The following FBLN2 variants were observed in gnomAD, a reference collection of about 807,000 sequenced individuals.
FBLN2 encodes the protein fibulin-2.
In FBLN2, 81 loss-of-function variants were observed where a neutral mutation model predicts 123.7. That is an observed-to-expected ratio of 0.65 (90% CI 0.55 to 0.79). The LOEUF (loss-of-function observed/expected upper bound fraction) is 0.79. FBLN2 is among the 30% of genes least tolerant of loss of function. The pLI is 0.00. For missense variants in FBLN2, 1,603 were observed against 1,681.3 expected (o/e 0.95, Z 0.81); for synonymous variants, 699 against 701.4 (o/e 1.00, Z 0.05).
At chr3:13,636,920 T>C (rs1254104227) in intron 17 of FBLN2, among the ~76,000 whole-genome samples, 2 of 152,178 alleles carry the variant, frequency 1.3e-5, no homozygotes, top group African/African-American at 4.8e-5. Flanking sequence ...CTGGGAGTGG[T>C]GTAGCTAGGT....
At chr3:13,608,418 A>T (rs1324751447) in intron 3 of FBLN2, among the ~76,000 whole-genome samples, 1 of 152,224 alleles carries the variant, frequency 6.6e-6, no homozygotes, top group African/African-American at 2.4e-5. Flanking sequence ...AGTGAGCAAG[A>T]TCCGAGGAAT....
At chr3:13,630,977 C>A (rs1165610192) in intron 15 of FBLN2, among the ~76,000 whole-genome samples, 162 bp downstream of exon 15, 2 of 152,214 alleles carry the variant, frequency 1.3e-5, no homozygotes, top group Admixed American at 1.3e-4. Flanking sequence ...TGACCTTGGG[C>A]AGATTGCCTC....
rs1337917658 is a variant in FBLN2, at chr3:13,636,535, A to C, written c.3305A>C (p.Glu1102Ala). 2 of 1,613,514 alleles carry C rather than the reference A, an allele frequency of 1.2e-6. No individual in the cohort carries two copies. The highest frequency in any genetic ancestry group is 1.7e-6 in the Non-Finnish European group (2 of 1,179,762). The change falls in exon 17 of 18, where the codon GAG (glutamate) becomes GCG (alanine). Residue 1102 changes from glutamate (E) to alanine (A), a missense_variant. Transcript: ENST00000404922. The stretch of plus-strand genomic sequence containing the variant: ...GGTAGCTTCCGCTGCCTGCGCTTCG[A>C]GTGTCCTCCCAACTATGTCCAAGTC... The part of the protein sequence containing the change: ...IQGSFRCLRF[E>A]CPPNYVQVSK...
intron 2 of FBLN2, among the ~76,000 whole-genome samples, chr3:13,579,859 G>A (rs1704266752): frequency 1.3e-5 from 2 of 152,184 alleles, no homozygotes; most frequent in South Asian, 4.1e-4. Context: ...CCTGTCAGAA[G>A]CACACAACTC....
intron 1 of FBLN2, among the ~76,000 whole-genome samples, chr3:13,555,577 C>G (rs888540931): frequency 1.6e-4 from 24 of 152,258 alleles, no homozygotes; most frequent in Admixed American, 3.3e-4. Context: ...GCCTCAGCCT[C>G]CCGAGTAGCT....
chr3:13,597,731 G>A (rs1424363938), intron 2 of FBLN2, among the ~76,000 whole-genome samples: 1 of 152,244 alleles, frequency 6.6e-6, no homozygotes, highest in Non-Finnish European at 1.5e-5. Context: ...ACAGTGAGTG[G>A]TTTTCCAGAG....
At position 13,609,624 on chromosome 3, in the gene FBLN2, C is replaced by T. The variant is rs375709876; in HGVS notation, c.1530C>T (p.Cys510=). 6.0e-5 allele frequency: 88 copies of T among 1,470,036 alleles called. No homozygotes were observed. Among genetic ancestry groups the T allele is most frequent in the Admixed American group, 1.3e-4 (6 of 47,844 alleles). 91.1% of individuals were successfully genotyped at this position (1,470,036 alleles called of 1,614,324 possible). The change falls in exon 4 of 18, where the codon TGC becomes TGT. Residue 510 remains cysteine (C), a synonymous_variant. Coordinates refer to ENST00000404922, the MANE Select transcript of FBLN2 (RefSeq NM_001004019.2). ...ETCGAEDNDS[C]GISLYKQCCD... ...GTGGGGCTGAGGACAACGACAGCTG[C>T]GGCATCTCCCTGTACAAGGCAAGCC...
At chr3:13,631,806 C>G (rs1056255338) in intron 16 of FBLN2, among the ~76,000 whole-genome samples, 26 of 152,140 alleles carry the variant, frequency 1.7e-4, no homozygotes, top group African/African-American at 6.0e-4. Context: ...AGGCAGTGTC[C>G]CGAGTCTCTG....
At position 13,618,200 on chromosome 3, in the gene FBLN2, C is replaced by T. The variant is rs777318897; in HGVS notation, c.1854C>T (p.His618=). The T allele has an allele frequency of 2.5e-6, 4 of 1,613,790 alleles. No homozygotes were observed. The highest frequency in any genetic ancestry group is 3.3e-4 in the Middle Eastern group (2 of 6,084). Residue 618 remains histidine, a synonymous_variant, in exon 6 of 18, where the codon CAC becomes CAT. Transcript: ENST00000404922. ...CLLLPGELCQ[H]LCINTVGSYH... ...TCCTCCCGGGAGAGCTGTGCCAGCACCTTTGCATCAATACTGTGGGTTCTT... is the reference window on the plus strand; with the variant it reads ...TCCTCCCGGGAGAGCTGTGCCAGCATCTTTGCATCAATACTGTGGGTTCTT...
intron 7 of FBLN2, among the ~76,000 whole-genome samples, 185 bp downstream of exon 7, chr3:13,619,202 G>A (rs1705754030): frequency 6.6e-6 from 1 of 152,204 alleles, no homozygotes; most frequent in African/African-American, 2.4e-5. Context: ...AAGTCACTGG[G>A]GAGATGTGGT....
At chr3:13,612,978 G>T (rs1483645457) in intron 4 of FBLN2, among the ~76,000 whole-genome samples, 2 of 152,182 alleles carry the variant, frequency 1.3e-5, no homozygotes, top group African/African-American at 2.4e-5. Flanking sequence ...GGGGGCGGGG[G>T]TGAGTGCTTG....
intron 1 of FBLN2, among the ~76,000 whole-genome samples, chr3:13,560,606 CTAT>C (rs1703576484): frequency 6.6e-6 from 1 of 152,192 alleles, no homozygotes; most frequent in South Asian, 2.1e-4. Flanking sequence ...GCACATCGTG[CTAT>C]TATTAAGACA....
chr3:13,598,876 C>G (rs898851515), intron 2 of FBLN2, among the ~76,000 whole-genome samples: 4 of 152,194 alleles, frequency 2.6e-5, no homozygotes, highest in Admixed American at 1.3e-4. Flanking sequence ...CTAGACAGAG[C>G]CTGCTGGACG....
At chr3:13,620,826 C>T (rs538268356) in intron 8 of FBLN2, among the ~76,000 whole-genome samples, 1 of 152,348 alleles carries the variant, frequency 6.6e-6, no homozygotes, top group Admixed American at 6.5e-5. Context: ...TGTCCATCCC[C>T]AGCCGAGACT....
chr3:13,574,026 C>T (rs1704052664), intron 2 of FBLN2, among the ~76,000 whole-genome samples: 1 of 152,138 alleles, frequency 6.6e-6, no homozygotes, highest in East Asian at 1.9e-4. Context: ...CTGTAGCCCA[C>T]TCTCCACTCC....
At chr3:13,602,963 T>C (rs1035176668) in intron 2 of FBLN2, among the ~76,000 whole-genome samples, 2 of 151,082 alleles carry the variant, frequency 1.3e-5, no homozygotes, top group Admixed American at 6.6e-5. Context: ...CAGGCTGGAG[T>C]GCAGTGGTGC....
At chr3:13,623,540 G>A (rs768633105) in intron 9 of FBLN2, among the ~76,000 whole-genome samples, 3 of 152,068 alleles carry the variant, frequency 2.0e-5, no homozygotes, top group African/African-American at 7.2e-5. Context: ...TACCTGCCGC[G>A]CGTTCTTTCC....
chr3:13,638,049 T>G lies in FBLN2; in HGVS notation c.*130T>G. On this transcript the variant is annotated 3_prime_UTR_variant, in exon 18 of 18. Transcript: ENST00000404922. ...CTTAATTTTGCTGACTTGACTCCTG[T>G]GGCTTCTGGACCCCTCCTCTGCCCC... 1 of 881,816 alleles carries G rather than the reference T, an allele frequency of 1.1e-6. No homozygotes were observed. Among genetic ancestry groups the G allele is most frequent in the Non-Finnish European group, 1.7e-6 (1 of 572,962 alleles). The allele number at this position is 881,816 out of a possible 1,614,324, so 54.6% of individuals were successfully genotyped here.
chr3:13,612,339 C>CTTTCT (rs1553620997), intron 4 of FBLN2, among the ~76,000 whole-genome samples: 1 of 27,248 alleles, frequency 3.7e-5, no homozygotes, highest in African/African-American at 2.4e-4. Flanking sequence ...TTCTTTCTTT[C>CTTTCT]TTTTCTTTCT....
Sources: allele counts gnomAD v4.1 joint callset (sites outside exome capture counted in the v4.1 genomes callset), GRCh38; gene constraint gnomAD v4.1.1; transcripts MANE v1.5; gene names NCBI Gene and HGNC (gene_info 2026-07-23, HGNC 2026-07-21).